Variants in SNX29 observed in about 807,000 individuals in gnomAD.
The protein encoded by SNX29 is sorting nexin 29.
SNX29 carries 78 observed loss-of-function variants against 102.1 expected under a neutral mutation model. That is an observed-to-expected ratio of 0.76 (90% confidence interval 0.64 to 0.92). The LOEUF (loss-of-function observed/expected upper bound fraction) is 0.92. Among genes scored for constraint, SNX29 ranks in the 40% least tolerant of loss-of-function variants. SNX29 has a pLI of 0.00. For synonymous variants in SNX29, 580 were observed against 414.5 expected (o/e 1.40, Z -4.85); for missense variants, 1,280 against 1,061.7 (o/e 1.21, Z -2.86).
At position 12,048,611 on chromosome 16, in the gene SNX29, G is replaced by T; in HGVS notation, c.739G>T (p.Val247Phe). The T allele has an allele frequency of 6.2e-7, 1 of 1,613,942 alleles. No individual in the cohort carries two copies. Among genetic ancestry groups the T allele is most frequent in the Non-Finnish European group, 8.5e-7 (1 of 1,179,866 alleles). Residue 247 changes from valine to phenylalanine, a missense_variant, in exon 7 of 21, where the codon GTC (valine) becomes TTC (phenylalanine). By Grantham distance (50) the Val-to-Phe change is conservative. Transcript: ENST00000566228. ...CCCCTTGCCTGTCGTGTCCAGGAAT[G>T]TCAGTGCTGGTGAGTGGGAACGGGT... ...TDPLPVVSRN[V>F]SADAKCKKER...
chr16:12,475,118 C>T (rs1340611782), intron 18 of SNX29, among the ~76,000 whole-genome samples: 1 of 152,164 alleles, frequency 6.6e-6, no homozygotes, highest in African/African-American at 2.4e-5. Flanking sequence ...GCTCTCAGCT[C>T]CATTTTGTAG....
chr16:12,558,994 C>T (rs530345989), intron 20 of SNX29, among the ~76,000 whole-genome samples: 3 of 152,122 alleles, frequency 2.0e-5, no homozygotes, highest in South Asian at 2.1e-4. Context: ...AAGAAATTTA[C>T]ACAGTTATGG....
At chr16:12,136,672 C>A (rs58662324) in intron 13 of SNX29, among the ~76,000 whole-genome samples, 2 of 152,188 alleles carry the variant, frequency 1.3e-5, no homozygotes, top group Non-Finnish European at 2.9e-5. Flanking sequence ...GAGACTCGCA[C>A]AGGATCCAAA....
At position 12,536,266 on chromosome 16, in the gene SNX29, CAG is replaced by C. The variant is rs1311498448; in HGVS notation, c.2318+11428_2318+11429del. On this transcript the variant is annotated intron_variant, in intron 20 of 20. Transcript: ENST00000566228. ...TTTTATGCATGAGAACTTGCTGTGA[CAG>C]AGTTGAGGATGTTTTTCTCACTAGC... is the stretch of plus-strand genomic sequence containing the variant. Among the ~76,000 whole-genome samples, 9 of 152,128 alleles carry C rather than the reference CAG, an allele frequency of 5.9e-5. No homozygotes were observed. In the East Asian group the frequency reaches 1.5e-3, roughly 26 times the overall value.
intron 20 of SNX29, among the ~76,000 whole-genome samples, chr16:12,549,931 C>G (rs2077861420): frequency 6.6e-6 from 1 of 152,174 alleles, no homozygotes; most frequent in Admixed American, 6.5e-5. Context: ...TTACCCTCCA[C>G]CTGTTTTTTA....
At position 12,129,070 on chromosome 16, in the gene SNX29, G is replaced by T. The variant is rs554695420; in HGVS notation, c.1467-560G>T. Among the ~76,000 whole-genome samples the T allele has an allele frequency of 2.0e-5, 3 of 152,314 alleles. No homozygotes were observed. In the South Asian group the frequency reaches 6.2e-4, roughly 32 times the overall value. The stretch of plus-strand genomic sequence containing the variant: ...TATCTCAGATGCTTTAGTGATATAA[G>T]ATATTTTTTATATATGCTTGTTTCA... On this transcript the variant is annotated intron_variant, in intron 12 of 20. Transcript: ENST00000566228.
chr16:12,013,488 G>GAAAAAAAAA lies in SNX29; in HGVS notation c.122+10450_122+10458dup, dbSNP rs564156499. On this transcript the variant is annotated intron_variant, in intron 3 of 20. Coordinates refer to ENST00000566228, the MANE Select transcript of SNX29 (RefSeq NM_032167.5). ...TAGTGAAACCCTGTCTCTACTGGGG[G>GAAAAAAAAA]AAAAAAAAAAAAATATATATATATA... 3.8e-3 allele frequency among the ~76,000 whole-genome samples: 49 copies of GAAAAAAAAA among 12,924 alleles called. 4 individuals are homozygous for GAAAAAAAAA. The highest frequency in any genetic ancestry group is 0.1 in the Middle Eastern group (1 of 10). The allele number at this position is 12,924 out of a possible 152,430, so 8.5% of individuals were successfully genotyped here.
rs144596618 is a variant in SNX29, at chr16:12,283,789, T to C, written c.1782+5753T>C. On this transcript the variant is annotated intron_variant, in intron 15 of 20. Coordinates refer to ENST00000566228, the MANE Select transcript of SNX29 (RefSeq NM_032167.5). ...TGTTCTAATTGTCAGGACAGATAAT[T>C]GAAGTGCAGAGGTAGGGTTATACCC... 3.9e-5 allele frequency among the ~76,000 whole-genome samples: 6 copies of C among 152,354 alleles called. No individual in the cohort carries two copies. The East Asian group carries it at 1.2e-3, about 29-fold the overall frequency.
At chr16:12,185,276 GGGT>G (rs2076483253) in intron 13 of SNX29, among the ~76,000 whole-genome samples, 1 of 152,162 alleles carries the variant, frequency 6.6e-6, no homozygotes. Flanking sequence ...GGGAACTGGA[GGGT>G]ACTTGGCTGG....
intron 19 of SNX29, among the ~76,000 whole-genome samples, chr16:12,512,195 G>T (rs1390327341): frequency 1.3e-5 from 2 of 150,792 alleles, no homozygotes; most frequent in African/African-American, 4.9e-5. Context: ...ATTAAGTTTG[G>T]GGTGTGAGCA....
At chr16:12,446,673 C>G (rs1378622183) in intron 18 of SNX29, among the ~76,000 whole-genome samples, 1 of 152,174 alleles carries the variant, frequency 6.6e-6, no homozygotes, top group Admixed American at 6.5e-5. Context: ...CTCCTGTTGA[C>G]TTTCCTCTGT....
chr16:12,299,098 G>A (rs2080076166), intron 15 of SNX29, among the ~76,000 whole-genome samples: 3 of 151,786 alleles, frequency 2.0e-5, no homozygotes, highest in African/African-American at 7.3e-5. Flanking sequence ...TCAGGAGTTC[G>A]AGACCCACCT....
intron 14 of SNX29, among the ~76,000 whole-genome samples, chr16:12,257,690 AT>A (rs33963423): frequency 0.11 from 15,821 of 140,890 alleles, 1,234 homozygotes; most frequent in East Asian, 0.37. Flanking sequence ...CTTATTTAAA[AT>A]TTTTTTTTTT....
chr16:12,091,481 T>G (rs1480115575), intron 11 of SNX29, among the ~76,000 whole-genome samples: 1 of 152,018 alleles, frequency 6.6e-6, no homozygotes, highest in East Asian at 1.9e-4. Flanking sequence ...GTGGGATTAG[T>G]GCCCTTAAAA....
chr16:12,541,881 A>T (rs144357141), intron 20 of SNX29, among the ~76,000 whole-genome samples: 2 of 152,246 alleles, frequency 1.3e-5, no homozygotes, highest in Admixed American at 1.3e-4. Context: ...ATGCTTGATG[A>T]ATGTTTATGA....
intron 20 of SNX29, among the ~76,000 whole-genome samples, chr16:12,550,492 G>A (rs1001131251): frequency 1.4e-5 from 2 of 147,516 alleles, no homozygotes; most frequent in Non-Finnish European, 3.0e-5. Flanking sequence ...CTGACATTGT[G>A]TCATTACATT....
chr16:12,385,642 C>T (rs1204319547), intron 16 of SNX29, among the ~76,000 whole-genome samples: 3 of 152,162 alleles, frequency 2.0e-5, no homozygotes, highest in Non-Finnish European at 4.4e-5. Context: ...CATCAGCTGT[C>T]CCCAAACCTT....
chr16:12,403,512 G>A lies in SNX29; in HGVS notation c.2020G>A (p.Ala674Thr), dbSNP rs79448621. 1 of 1,607,318 alleles carries A rather than the reference G, an allele frequency of 6.2e-7. No homozygotes were observed. Among genetic ancestry groups the A allele is most frequent in the Non-Finnish European group, 8.5e-7 (1 of 1,176,864 alleles). Reference protein sequence around the residue: ...SVFLRGKAANAFHVYQVYIRI... With the variant: ...SVFLRGKAANTFHVYQVYIRI... ...GTTTCTCCGGGGCAAAGCAGCAAAT[G>A]CATTCCACGTGTATCAGGTGAGTGC... The change falls in exon 18 of 21, where the codon GCA becomes ACA. Residue 674 changes from alanine (A) to threonine (T), a missense_variant. Transcript: ENST00000566228.
intron 20 of SNX29, among the ~76,000 whole-genome samples, chr16:12,539,910 G>A (rs151041703): frequency 1.4e-4 from 22 of 152,330 alleles, no homozygotes; most frequent in Admixed American, 6.5e-4. Flanking sequence ...AAAGATTTGA[G>A]TTTTGGGAGT....
Sources: gnomAD v4.1 joint callset for allele counts (sites outside exome capture counted in the v4.1 genomes callset) on GRCh38, gnomAD v4.1.1 for gene constraint, MANE v1.5 for transcripts, NCBI Gene and HGNC (gene_info 2026-07-23, HGNC 2026-07-21) for gene names.